The following NTRK2 variants were observed in gnomAD, a reference collection of about 807,000 sequenced individuals.
NTRK2 encodes the protein neurotrophic receptor tyrosine kinase 2.
Under a neutral mutation model 94.5 loss-of-function variants are expected in NTRK2, and 13 were observed. The ratio of observed to expected loss-of-function variants is 0.14; its 90% confidence interval spans 0.09 to 0.22. The LOEUF is 0.22. NTRK2 is among the 10% of genes least tolerant of loss of function. The probability of loss-of-function intolerance (pLI) is 1.00; values close to 1 mark genes in which losing one functional copy is unlikely to be tolerated. For missense variants in NTRK2, 639 were observed against 1,071.2 expected (o/e 0.60, Z 5.63); for synonymous variants, 372 against 407.4 (o/e 0.91, Z 1.05).
chr9:84,901,179 A>G (rs1047787874), intron 14 of NTRK2, among the ~76,000 whole-genome samples: 9 of 145,736 alleles, frequency 6.2e-5, no homozygotes, highest in African/African-American at 1.0e-4. Context: ...CTTTCATTTT[A>G]TTTTGTTTTG....
intron 17 of NTRK2, among the ~76,000 whole-genome samples, chr9:84,989,126 G>A (rs1025624699): frequency 2.0e-5 from 3 of 152,184 alleles, no homozygotes; most frequent in African/African-American, 7.2e-5. Context: ...GAAAAGGCTT[G>A]TAGGACTAAA....
At chr9:84,978,090 G>T (rs1255086853) in intron 17 of NTRK2, among the ~76,000 whole-genome samples, 1 of 151,956 alleles carries the variant, frequency 6.6e-6, no homozygotes, top group Non-Finnish European at 1.5e-5. Context: ...ATTGAAATTT[G>T]GACAATTAAT....
At chr9:84,766,782 C>T (rs1302688997) in intron 12 of NTRK2, among the ~76,000 whole-genome samples, 1 of 151,940 alleles carries the variant, frequency 6.6e-6, no homozygotes, top group East Asian at 1.9e-4. Context: ...CACACAGATA[C>T]ATACATAACA....
chr9:84,966,806 A>G (rs903548001), intron 17 of NTRK2, among the ~76,000 whole-genome samples: 15 of 152,198 alleles, frequency 9.9e-5, no homozygotes, highest in African/African-American at 3.4e-4. Context: ...GGTCTCCTCT[A>G]TGCTGAGATT....
intron 6 of NTRK2, among the ~76,000 whole-genome samples, chr9:84,720,230 G>A (rs962386551): frequency 2.0e-5 from 3 of 152,120 alleles, no homozygotes; most frequent in Non-Finnish European, 4.4e-5. Context: ...ACCAAACACT[G>A]TATTGGTTGA....
chr9:84,818,299 C>A (rs1415726938), intron 12 of NTRK2, among the ~76,000 whole-genome samples: 1 of 152,134 alleles, frequency 6.6e-6, no homozygotes, highest in African/African-American at 2.4e-5. Context: ...TAGAGCGAGG[C>A]CAGCCAGGTG....
intron 14 of NTRK2, among the ~76,000 whole-genome samples, chr9:84,905,931 T>C (rs2077062054): frequency 6.6e-6 from 1 of 152,210 alleles, no homozygotes; most frequent in South Asian, 2.1e-4. Flanking sequence ...TTAATCTGGG[T>C]ACATGAGTAA....
chr9:84,828,483 A>C (rs1172834830), intron 12 of NTRK2, among the ~76,000 whole-genome samples: 2 of 152,174 alleles, frequency 1.3e-5, no homozygotes, highest in Admixed American at 1.3e-4. Flanking sequence ...TTTCTAGAGA[A>C]CAAGACAAAC....
intron 12 of NTRK2, among the ~76,000 whole-genome samples, chr9:84,824,527 G>A (rs1283339681): frequency 1.3e-5 from 2 of 152,246 alleles, no homozygotes; most frequent in East Asian, 1.9e-4. Flanking sequence ...CTATTCAGAG[G>A]TGGGGCAGCC....
chr9:85,021,612 G>A lies in NTRK2; in HGVS notation c.*175G>A. 2 of 684,588 alleles carry A rather than the reference G, an allele frequency of 2.9e-6. No individual in the cohort carries two copies. The highest frequency in any genetic ancestry group is 3.9e-4 in the Middle Eastern group (1 of 2,560). The allele number at this position is 684,588 out of a possible 1,614,324, so 42.4% of individuals were successfully genotyped here. A position where few individuals can be genotyped will look rare whatever the true frequency, so the allele number is the denominator to read the frequency against. On this transcript the variant is annotated 3_prime_UTR_variant, in exon 19 of 19. Coordinates refer to ENST00000277120, the MANE Select transcript of NTRK2 (RefSeq NM_006180.6). ...AGCAGTGTGTACTTCTTCATCCATA[G>A]ACACAGTATTGACTTCTTTTTGGCA... is the stretch of plus-strand genomic sequence containing the variant.
intron 2 of NTRK2, among the ~76,000 whole-genome samples, chr9:84,692,295 A>C (rs957912375): frequency 3.3e-5 from 5 of 152,186 alleles, no homozygotes; most frequent in Admixed American, 1.3e-4. Context: ...TATACCAACT[A>C]TCAAATTACC....
chr9:84,824,994 T>G (rs945405821), intron 12 of NTRK2, among the ~76,000 whole-genome samples: 2 of 151,070 alleles, frequency 1.3e-5, no homozygotes, highest in East Asian at 1.9e-4. Flanking sequence ...AAGATCAGTT[T>G]TTTTTTTTTT....
chr9:84,744,224 G>C (rs2063871745), intron 10 of NTRK2, among the ~76,000 whole-genome samples: 1 of 152,012 alleles, frequency 6.6e-6, no homozygotes, highest in Admixed American at 6.6e-5. Context: ...TTTCTATCCT[G>C]ACCCATGTAG....
At chr9:84,975,759 G>A (rs1826764738) in intron 17 of NTRK2, among the ~76,000 whole-genome samples, 2 of 146,466 alleles carry the variant, frequency 1.4e-5, no homozygotes, top group South Asian at 4.2e-4. Flanking sequence ...GGAAATATGT[G>A]TGATATTCAC....
upstream of NTRK2, chr9:84,668,529 C>G (rs1203062975): frequency 1.3e-5 from 2 of 152,258 alleles, no homozygotes; most frequent in Non-Finnish European, 2.9e-5. Context: ...TGCGGAAAAA[C>G]AGATTCCGAG....
Position 84,934,259 on chromosome 9 carries a change from T to C in NTRK2, c.1731T>C (p.Cys577=). 1 of 1,614,002 alleles carries C rather than the reference T, an allele frequency of 6.2e-7. No homozygotes were observed. Among genetic ancestry groups the C allele is most frequent in the East Asian group, 2.2e-5 (1 of 44,878 alleles). ...KVFLAECYNL[C]PEQDKILVAV... is the part of the protein sequence containing the mutation. Reference sequence around the variant, plus strand: ...TCCTAGCTGAATGCTATAACCTCTGTCCTGAGCAGGACAAGATCTTGGTGG... The same window carrying C: ...TCCTAGCTGAATGCTATAACCTCTGCCCTGAGCAGGACAAGATCTTGGTGG... The change falls in exon 15 of 19, where the codon TGT becomes TGC. Residue 577 remains cysteine, a synonymous_variant. Coordinates refer to ENST00000277120, the MANE Select transcript of NTRK2 (RefSeq NM_006180.6).
intron 17 of NTRK2, among the ~76,000 whole-genome samples, chr9:84,980,009 C>T (rs554884234): frequency 7.9e-5 from 12 of 152,222 alleles, no homozygotes; most frequent in East Asian, 7.7e-4. Context: ...TGTGTAAGCA[C>T]GGGAAAACAA....
At chr9:84,698,711 C>G (rs2060541046) in intron 2 of NTRK2, among the ~76,000 whole-genome samples, 1 of 152,178 alleles carries the variant, frequency 6.6e-6, no homozygotes, top group Admixed American at 6.5e-5. Flanking sequence ...CATTGTTAGA[C>G]TTTAAACATT....
intron 17 of NTRK2, among the ~76,000 whole-genome samples, chr9:84,993,341 A>G (rs1484720351): frequency 1.3e-5 from 2 of 152,206 alleles, no homozygotes; most frequent in Non-Finnish European, 2.9e-5. Context: ...ATCTCAACAC[A>G]GGCAGCTCCT....
Sources: gnomAD v4.1 joint callset for allele counts (sites outside exome capture counted in the v4.1 genomes callset) on GRCh38, gnomAD v4.1.1 for gene constraint, MANE v1.5 for transcripts, NCBI Gene and HGNC (gene_info 2026-07-23, HGNC 2026-07-21) for gene names.